The following CCDC34 variants were observed in gnomAD, a reference collection of about 807,000 sequenced individuals.
CCDC34 encodes the protein coiled-coil domain-containing protein 34.
Under a neutral mutation model 44.1 loss-of-function variants are expected in CCDC34, and 40 were observed. That is an observed-to-expected ratio of 0.91 (90% CI 0.70 to 1.18). The LOEUF (loss-of-function observed/expected upper bound fraction) is 1.18. Ranked by LOEUF, CCDC34 falls within the 50% of genes most tolerant of loss-of-function variation. The pLI is 0.00. For missense variants in CCDC34, 466 were observed against 452.3 expected (o/e 1.03, Z -0.28); for synonymous variants, 159 against 158.2 (o/e 1.01, Z -0.04).
At chr11:27,357,354 T>TA (rs754876812) in intron 2 of CCDC34, 49 bp downstream of exon 2, 1 of 1,553,962 alleles carries the variant, frequency 6.4e-7, no homozygotes, top group Non-Finnish European at 8.7e-7. Context: ...ACTGCAGCTC[T>TA]ACTTTGTGAG....
intron 2 of CCDC34, among the ~76,000 whole-genome samples, chr11:27,350,692 T>C (rs10835169): frequency 0.25 from 38,730 of 152,158 alleles, 5,909 homozygotes; most frequent in Non-Finnish European, 0.35. Context: ...TAGACTAAAC[T>C]TCAGCTAAAT....
chr11:27,346,252 C>T (rs1430783160), intron 3 of CCDC34, among the ~76,000 whole-genome samples: 3 of 151,806 alleles, frequency 2.0e-5, no homozygotes, highest in Admixed American at 6.6e-5. Flanking sequence ...AAAAATTAGC[C>T]AGGTGTGGTG....
intron 2 of CCDC34, among the ~76,000 whole-genome samples, chr11:27,356,760 G>A (rs1862580880): frequency 6.6e-6 from 1 of 151,216 alleles, no homozygotes; most frequent in African/African-American, 2.4e-5. Context: ...GCATGGAAAT[G>A]TCCATAAGTG....
intron 2 of CCDC34, among the ~76,000 whole-genome samples, chr11:27,351,686 C>T (rs1862504743): frequency 6.6e-6 from 1 of 152,118 alleles, no homozygotes; most frequent in Non-Finnish European, 1.5e-5. Flanking sequence ...ATTTTCTATA[C>T]ACTAAAGAAA....
chr11:27,343,397 G>A (rs1350558823), intron 3 of CCDC34, among the ~76,000 whole-genome samples: 4 of 130,598 alleles, frequency 3.1e-5, no homozygotes, highest in Admixed American at 7.6e-5. Context: ...GCAAGACTCC[G>A]TCTCAAAAAA....
At chr11:27,345,736 C>T (rs1862423603) in intron 3 of CCDC34, among the ~76,000 whole-genome samples, 2 of 152,160 alleles carry the variant, frequency 1.3e-5, no homozygotes, top group South Asian at 4.2e-4. Flanking sequence ...AATAGTGCCG[C>T]AATAAACATA....
chr11:27,350,021 GTTGT>G (rs1862483222), intron 3 of CCDC34: 5 of 1,218,086 alleles, frequency 4.1e-6, no homozygotes, highest in African/African-American at 1.6e-5. Context: ...GGCAAAATGG[GTTGT>G]TTTAGATTTG....
In CCDC34 at chr11:27,341,445, C is replaced by G. The variant is rs1033979345; in HGVS notation, c.712G>C (p.Glu238Gln). The change falls in exon 4 of 6, where the codon GAA (glutamate) becomes CAA (glutamine). Residue 238 changes from glutamate to glutamine, a missense_variant. Transcript: ENST00000328697. ...LQEKAKEKYQ[E>Q]WLKKKNAEEC... is the part of the protein sequence containing the mutation. ...TCAGCATTTTTTTTCTTTAACCATT[C>G]TTGATATTTTTCTTTTGCTTTTTCT... The G allele has an allele frequency of 6.9e-7, 1 of 1,459,614 alleles. No individual in the cohort carries two copies. Among genetic ancestry groups the G allele is most frequent in the African/African-American group, 1.4e-5 (1 of 70,546 alleles). The allele number at this position is 1,459,614 out of a possible 1,614,324, so 90.4% of individuals were successfully genotyped here.
chr11:27,351,395 T>C (rs1248120818), intron 2 of CCDC34, among the ~76,000 whole-genome samples: 2 of 152,170 alleles, frequency 1.3e-5, no homozygotes, highest in Non-Finnish European at 2.9e-5. Context: ...AACATCTCTT[T>C]TGCATTTTAA....
intron 3 of CCDC34, among the ~76,000 whole-genome samples, chr11:27,343,860 C>T (rs897002639): frequency 6.6e-5 from 10 of 152,172 alleles, no homozygotes; most frequent in East Asian, 1.9e-4. Context: ...GTCATAGAGA[C>T]GGTGAGTGAC....
intron 3 of CCDC34, among the ~76,000 whole-genome samples, chr11:27,345,735 G>A (rs1020381377): frequency 3.2e-4 from 48 of 151,776 alleles, no homozygotes; most frequent in African/African-American, 1.1e-3. Context: ...GAATAGTGCC[G>A]CAATAAACAT....
At chr11:27,361,365 C>T (rs1862662289) in intron 1 of CCDC34, among the ~76,000 whole-genome samples, 1 of 152,180 alleles carries the variant, frequency 6.6e-6, no homozygotes, top group South Asian at 2.1e-4. Context: ...TCATTTATTC[C>T]GCAGGTCACT....
chr11:27,354,282 A>C (rs532913099), intron 2 of CCDC34, among the ~76,000 whole-genome samples: 17 of 152,322 alleles, frequency 1.1e-4, no homozygotes, highest in South Asian at 2.1e-4. Context: ...CCAAATTACA[A>C]ATAATTATAC....
chr11:27,350,175 A>C (rs1314509926), intron 3 of CCDC34, 157 bp downstream of exon 3: 1 of 1,538,954 alleles, frequency 6.5e-7, no homozygotes, highest in Non-Finnish European at 8.7e-7. Flanking sequence ...CAGAAGATAG[A>C]GACTTGATAA....
chr11:27,342,291 C>CTATA (rs34284661), intron 3 of CCDC34, among the ~76,000 whole-genome samples: 9 of 139,234 alleles, frequency 6.5e-5, no homozygotes, highest in African/African-American at 2.1e-4. Flanking sequence ...AAAACAGGGG[C>CTATA]TATATATATA....
chr11:27,347,388 A>G (rs1328238789), intron 3 of CCDC34, among the ~76,000 whole-genome samples: 3 of 152,224 alleles, frequency 2.0e-5, no homozygotes, highest in African/African-American at 4.8e-5. Flanking sequence ...AATGAAAACA[A>G]GTGTCCACAA....
rs577185235 is a variant in CCDC34, at chr11:27,349,715, T to C, written c.606+617A>G. 7 of 978,226 alleles carry C rather than the reference T, an allele frequency of 7.2e-6. No individual in the cohort carries two copies. The East Asian group carries it at 8.0e-4, about 112-fold the overall frequency. The allele number at this position is 978,226 out of a possible 1,614,324, so 60.6% of individuals were successfully genotyped here. A position where few individuals can be genotyped will look rare whatever the true frequency, so the allele number is the denominator to read the frequency against. On this transcript the variant is annotated intron_variant, in intron 3 of 5. Coordinates refer to ENST00000328697, the MANE Select transcript of CCDC34 (RefSeq NM_030771.2). ...AAATGCAGCCATTCAATGAACATCT[T>C]CACTCAATTAAACTATTTTTGGACA...
chr11:27,360,554 T>C (rs1862647634), intron 1 of CCDC34, among the ~76,000 whole-genome samples: 1 of 151,022 alleles, frequency 6.6e-6, no homozygotes, highest in Admixed American at 6.6e-5. Flanking sequence ...TCACACAGAA[T>C]ACTCAAAACC....
intron 3 of CCDC34, among the ~76,000 whole-genome samples, chr11:27,348,587 T>A (rs991423030): frequency 4.6e-5 from 7 of 152,104 alleles, no homozygotes; most frequent in African/African-American, 1.7e-4. Context: ...GATTTTTTGA[T>A]AAAACACAGT....
Sources: gnomAD v4.1 joint callset for allele counts (sites outside exome capture counted in the v4.1 genomes callset) on GRCh38, gnomAD v4.1.1 for gene constraint, MANE v1.5 for transcripts, NCBI Gene and HGNC (gene_info 2026-07-23, HGNC 2026-07-21) for gene names.